Variants in URGCP observed in about 807,000 individuals in gnomAD.
URGCP encodes upregulator of cell proliferation, also known as up-regulator of cell proliferation.
In URGCP, 13 loss-of-function variants were observed where a neutral mutation model predicts 24.6. The observed-to-expected ratio is 0.53, with a 90% CI of 0.34 to 0.84. The LOEUF is 0.84. Ranked by LOEUF, URGCP falls within the 40% of genes least tolerant of loss-of-function variation. The pLI, the probability that URGCP is intolerant of heterozygous loss-of-function variation, is 0.01. For synonymous variants in URGCP, 444 were observed against 487.2 expected, an observed-to-expected ratio of 0.91 and a Z score of 1.17; for missense variants, 899 against 1,194.3, an observed-to-expected ratio of 0.75 and a Z score of 3.64.
chr7:43,878,803 C>T lies in URGCP; in HGVS notation c.660G>A (p.Ser220=), dbSNP rs745454555. The part of the protein sequence containing the change: ...QFALPLVLPD[S]ENHYHTFLLW... ...GCAGAAATGTATGGTAGTGGTTCTC[C>T]GAGTCAGGCAACACGAGTGGGAGTG... is the stretch of plus-strand genomic sequence containing the variant. The change falls in exon 6 of 6, where the codon TCG becomes TCA. Residue 220 remains serine, a synonymous_variant. Transcript: ENST00000453200. This position sits in a 1 kb window ranked among gnomAD's most constrained non-coding sequence, Gnocchi z 5.6. The T allele has an allele frequency of 3.8e-5, 62 of 1,613,786 alleles. No homozygotes were observed. The highest frequency in any genetic ancestry group is 2.7e-4 in the East Asian group (12 of 44,884).
intron 1 of URGCP, chr7:43,919,904 G>C: frequency 7.7e-7 from 1 of 1,306,860 alleles, no homozygotes; most frequent in Non-Finnish European, 1.1e-6. Flanking sequence ...GGAAGTGGGA[G>C]GCCTTCCTGG....
In URGCP at chr7:43,883,362, A is replaced by ATAT. The variant is rs1554289259; in HGVS notation, c.113-1406_113-1405insATA. Among the ~76,000 whole-genome samples the ATAT allele has an allele frequency of 4.6e-3, 402 of 88,264 alleles. 1 individual carries two copies. Among genetic ancestry groups the ATAT allele is most frequent in the African/African-American group, 0.015 (262 of 17,922 alleles). 57.9% of individuals were successfully genotyped at this position (88,264 alleles called of 152,430 possible). A position where few individuals can be genotyped will look rare whatever the true frequency, so the allele number is the denominator to read the frequency against. The stretch of plus-strand genomic sequence containing the variant: ...CATATATATATATATATATATATAT[A>ATAT]TTTTTTTTTTTTTTTTGAGATGGAG... On this transcript the variant is annotated intron_variant, in intron 3 of 5. Transcript: ENST00000453200.
In URGCP at chr7:43,876,742, G is replaced by A. The variant is rs764339097; in HGVS notation, c.2721C>T (p.Leu907=). 37 of 1,614,192 alleles carry A rather than the reference G, an allele frequency of 2.3e-5. No homozygotes were observed. Among genetic ancestry groups the A allele is most frequent in the Non-Finnish European group, 2.8e-5 (33 of 1,180,036 alleles). Reference sequence around the variant, plus strand: ...TCGACAAGCCGTTCCTGATGTTTTCGAGTAGGCATCTCTTCAATTCAAATA... The same window carrying A: ...TCGACAAGCCGTTCCTGATGTTTTCAAGTAGGCATCTCTTCAATTCAAATA... ...EAIFELKRCL[L]ENIRNGLSNQ... is the part of the protein sequence containing the mutation. The change falls in exon 6 of 6, where the codon CTC becomes CTT. Residue 907 remains leucine (L), a synonymous_variant. Transcript: ENST00000453200.
chr7:43,907,054 G>C (rs1171203769), upstream of URGCP: 1 of 152,308 alleles, frequency 6.6e-6, no homozygotes, highest in African/African-American at 2.4e-5. Context: ...CTCTGAGACG[G>C]TACCCATTGT....
intron 2 of URGCP, 69 bp from the exon 3 acceptor site, chr7:43,887,554 G>A (rs1033938014): frequency 2.7e-5 from 42 of 1,569,398 alleles, no homozygotes; most frequent in Admixed American, 3.8e-5. Context: ...CAAACTGGCC[G>A]CATATAAAAT....
chr7:43,918,524 G>A (rs914237027), intron 1 of URGCP, among the ~76,000 whole-genome samples: 22 of 151,920 alleles, frequency 1.4e-4, no homozygotes, highest in African/African-American at 3.9e-4. Flanking sequence ...CAAGTGATCC[G>A]CCCACTTCGG....
At position 43,881,677 on chromosome 7, in the gene URGCP, C is replaced by T; in HGVS notation, c.184G>A (p.Asp62Asn). ...TGCTTACCTGTTGGAAAATCATTGT[C>T]CTGAGCCTCATTTGTACCATCTATG... ...RYGDGTNEAQ[D>N]NDFPTVERSR... Residue 62 changes from aspartate (D) to asparagine (N), a missense_variant, in exon 5 of 6, where the codon GAC (aspartate) becomes AAC (asparagine). Physicochemically the swap from Asp to Asn is conservative, Grantham distance 23. Transcript: ENST00000453200. 6.2e-7 allele frequency: 1 copy of T among 1,613,980 alleles called. No homozygotes were observed.
chr7:43,926,688 G>GA, upstream of URGCP: 1 of 958,832 alleles, frequency 1.0e-6, no homozygotes, highest in South Asian at 2.2e-5. Flanking sequence ...GAAGGAGGCA[G>GA]AACAGCCTCC....
chr7:43,886,683 G>A (rs953966409), intron 3 of URGCP, among the ~76,000 whole-genome samples: 1 of 152,168 alleles, frequency 6.6e-6, no homozygotes, highest in Non-Finnish European at 1.5e-5. Flanking sequence ...AACCCAGGAG[G>A]TGGAAGCTGC....
Position 43,877,888 on chromosome 7 carries a change from C to G in URGCP, c.1575G>C (p.Arg525Ser), listed in dbSNP as rs1279258551. The change falls in exon 6 of 6, where the codon AGG (arginine) becomes AGC (serine). Residue 525 changes from arginine to serine, a missense_variant. Transcript: ENST00000453200. Reference sequence around the variant, plus strand: ...CTAGCAGCCGCCGCCTCAGCTCAGCCCTGTGCTTCTCAGGGGGGTCCACGG... The same window carrying G: ...CTAGCAGCCGCCGCCTCAGCTCAGCGCTGTGCTTCTCAGGGGGGTCCACGG... The part of the protein sequence containing the change: ...QWAVDPPEKH[R>S]AELRRRLLEL... The G allele has an allele frequency of 1.9e-6, 3 of 1,613,708 alleles. No homozygotes were observed. The African/African-American group carries it at 4.0e-5, about 22-fold the overall frequency.
intron 1 of URGCP, among the ~76,000 whole-genome samples, chr7:43,902,148 G>A (rs560086484): frequency 5.4e-4 from 81 of 150,366 alleles, no homozygotes; most frequent in African/African-American, 1.9e-3. Flanking sequence ...GAAGGGAAGG[G>A]GGAGGAGAAG....
chr7:43,900,469 CAAAAA>C (rs759728715), intron 1 of URGCP, among the ~76,000 whole-genome samples: 1 of 114,490 alleles, frequency 8.7e-6, no homozygotes, highest in Non-Finnish European at 1.8e-5. Flanking sequence ...AAAACCAAAA[CAAAAA>C]AAAAAAAAAA....
At position 43,878,900 on chromosome 7, in the gene URGCP, C is replaced by G; in HGVS notation, c.563G>C (p.Cys188Ser). The G allele has an allele frequency of 6.2e-7, 1 of 1,614,224 alleles. No individual in the cohort carries two copies. Among genetic ancestry groups the G allele is most frequent in the Non-Finnish European group, 8.5e-7 (1 of 1,180,042 alleles). ...ACTGTCTGAGGAGAGCAGCAGGGCA[C>G]AGAGAAGGTCTAAGGGGTTCACTGG... ...DTPVNPLDLL[C>S]ALLLSSDSFL... Residue 188 changes from cysteine to serine, a missense_variant, in exon 6 of 6, where the codon TGT (cysteine) becomes TCT (serine). Physicochemically the swap from Cys to Ser is moderately radical, Grantham distance 112. Coordinates refer to ENST00000453200, the MANE Select transcript of URGCP (RefSeq NM_001077663.3). The surrounding 1 kb of genome is among the most constrained non-coding windows in gnomAD (Gnocchi z 5.6).
chr7:43,901,121 A>C (rs148484124), intron 1 of URGCP, among the ~76,000 whole-genome samples: 1,805 of 152,344 alleles, frequency 0.012, 23 homozygotes, highest in Non-Finnish European at 0.018. Context: ...AGATTAAATA[A>C]CTTAATATAC....
intron 1 of URGCP, among the ~76,000 whole-genome samples, chr7:43,893,424 G>T (rs868356052): frequency 1.3e-5 from 2 of 152,370 alleles, no homozygotes; most frequent in Middle Eastern, 3.4e-3. Flanking sequence ...AGGAGGCTGA[G>T]GTAGGAGGAT....
At chr7:43,911,270 G>A (rs753226411), upstream of URGCP, among the ~76,000 whole-genome samples, 7 of 151,650 alleles carry the variant, frequency 4.6e-5, no homozygotes, top group Admixed American at 2.0e-4. Context: ...GTGTGGTGGC[G>A]CACACCTATA....
At chr7:43,920,916 G>A (rs191479126) in intron 1 of URGCP, among the ~76,000 whole-genome samples, 69 of 152,230 alleles carry the variant, frequency 4.5e-4, no homozygotes, top group African/African-American at 1.6e-3. Context: ...CTCTTAAAGG[G>A]CCCCACTCGA....
Position 43,906,579 on chromosome 7 carries a change from C to T in URGCP, c.-4G>A. On this transcript the variant is annotated 5_prime_UTR_variant, in exon 1 of 6. Coordinates refer to ENST00000453200, the MANE Select transcript of URGCP (RefSeq NM_001077663.3). Reference sequence around the variant, plus strand: ...GCACTCACCCGGGCGACGCCATGAGCGCAGCGAGGTCTCCGCTCCCGCCTC... The same window carrying T: ...GCACTCACCCGGGCGACGCCATGAGTGCAGCGAGGTCTCCGCTCCCGCCTC... The T allele has an allele frequency of 8.1e-7, 1 of 1,238,942 alleles. No homozygotes were observed. The highest frequency in any genetic ancestry group is 1.0e-6 in the Non-Finnish European group (1 of 983,042). 76.7% of individuals were successfully genotyped at this position (1,238,942 alleles called of 1,614,324 possible).
chr7:43,908,290 C>T (rs573885074), upstream of URGCP, among the ~76,000 whole-genome samples: 103 of 152,258 alleles, frequency 6.8e-4, 1 homozygote, highest in Admixed American at 2.4e-3. Context: ...GTTGGTCAGG[C>T]TGGTCTCAAA....
Sources: gnomAD v4.1 joint callset for allele counts (sites outside exome capture counted in the v4.1 genomes callset) on GRCh38, gnomAD v4.1.1 for gene constraint, Gnocchi (gnomAD v3.1) non-coding constraint, MANE v1.5 for transcripts, NCBI Gene and HGNC (gene_info 2026-07-23, HGNC 2026-07-21) for gene names.